Variants in NEK11 observed in about 807,000 individuals in gnomAD.
NEK11 encodes serine/threonine-protein kinase Nek11.
In NEK11, 72 loss-of-function variants were observed where a neutral mutation model predicts 80.7. The observed-to-expected ratio is 0.89, with a 90% confidence interval of 0.74 to 1.08. The LOEUF is 1.08. Among genes scored for constraint, NEK11 ranks in the 50% least tolerant of loss-of-function variants. The pLI, the probability that NEK11 is intolerant of heterozygous loss-of-function variation, is 0.00. For missense variants in NEK11, 764 were observed against 763.6 expected (o/e 1.00, Z -0.01); for synonymous variants, 251 against 260.7 (o/e 0.96, Z 0.36).
intron 5 of NEK11, among the ~76,000 whole-genome samples, chr3:131,117,417 C>T (rs563595634): frequency 2.6e-5 from 4 of 152,230 alleles, no homozygotes; most frequent in South Asian, 4.1e-4. Flanking sequence ...TGTGATGCCT[C>T]GAGCTTTGTT....
rs151029879 is a variant in NEK11, at chr3:131,153,950, A to G, written c.877-1086A>G. The stretch of plus-strand genomic sequence containing the variant: ...GTGACATTTCTTTACCAGTGAGCCA[A>G]TGGGAAGCAACCAGCCATGTAAAGA... On this transcript the variant is annotated intron_variant, in intron 9 of 17. Transcript: ENST00000383366. Among the ~76,000 whole-genome samples the G allele has an allele frequency of 5.4e-3, 827 of 152,342 alleles. 8 individuals carry two copies. The highest frequency in any genetic ancestry group is 0.018 in the African/African-American group (767 of 41,574).
intron 5 of NEK11, among the ~76,000 whole-genome samples, chr3:131,111,868 G>C (rs13075207): frequency 0.18 from 28,045 of 152,050 alleles, 2,676 homozygotes; most frequent in Middle Eastern, 0.22. Flanking sequence ...ATGTAATGTT[G>C]TTGTTATAAT....
chr3:131,277,657 A>G (rs1333978701), intron 17 of NEK11, among the ~76,000 whole-genome samples: 1 of 152,216 alleles, frequency 6.6e-6, no homozygotes, highest in Non-Finnish European at 1.5e-5. Context: ...GGGCTTTGTA[A>G]GTATTAATAT....
rs958254413 is a variant in NEK11, at chr3:131,080,523, A to G, written c.271A>G (p.Ile91Val). Reference protein sequence around the residue: ...QLLSKLDHPAIVKFHASFVEQ... With the variant: ...QLLSKLDHPAVVKFHASFVEQ... Reference sequence around the variant, plus strand: ...CCTCTCCAAGCTGGACCACCCAGCCATTGTCAAGTTCCATGCAAGTTTTGT... The same window carrying G: ...CCTCTCCAAGCTGGACCACCCAGCCGTTGTCAAGTTCCATGCAAGTTTTGT... Residue 91 changes from isoleucine to valine, a missense_variant, in exon 4 of 18, where the codon ATT (isoleucine) becomes GTT (valine). Coordinates refer to ENST00000383366, the MANE Select transcript of NEK11 (RefSeq NM_024800.5). 1 of 1,614,146 alleles carries G rather than the reference A, an allele frequency of 6.2e-7. No individual in the cohort carries two copies. Among genetic ancestry groups the G allele is most frequent in the Non-Finnish European group, 8.5e-7 (1 of 1,179,990 alleles).
chr3:131,055,518 T>C (rs2069299605), intron 3 of NEK11, among the ~76,000 whole-genome samples: 2 of 152,250 alleles, frequency 1.3e-5, no homozygotes, highest in African/African-American at 4.8e-5. Flanking sequence ...GGAGGATTGT[T>C]TGAGGCCAGG....
chr3:131,033,246 T>C (rs758115679), intron 3 of NEK11, among the ~76,000 whole-genome samples: 2 of 152,146 alleles, frequency 1.3e-5, no homozygotes, highest in Non-Finnish European at 1.5e-5. Flanking sequence ...TTATTAGCAC[T>C]ACTCATTGTC....
intron 16 of NEK11, among the ~76,000 whole-genome samples, chr3:131,265,367 T>G (rs2096028822): frequency 6.6e-6 from 1 of 152,192 alleles, no homozygotes; most frequent in Non-Finnish European, 1.5e-5. Context: ...TAAATAGCTT[T>G]TATTATTTTG....
At chr3:131,278,188 C>A (rs1247095138) in intron 17 of NEK11, among the ~76,000 whole-genome samples, 1 of 152,242 alleles carries the variant, frequency 6.6e-6, no homozygotes, top group East Asian at 1.9e-4. Context: ...CAACTGACTT[C>A]TGGCCACAGC....
rs2089875275 is a variant in NEK11, at chr3:131,152,543, G to T, written c.797+6G>T. On this transcript the variant is annotated splice_donor_region_variant and intron_variant, in intron 8 of 17. Coordinates refer to ENST00000383366, the MANE Select transcript of NEK11 (RefSeq NM_024800.5). The stretch of plus-strand genomic sequence containing the variant: ...CTAAATGCCATCATGGAAAGGTATA[G>T]AAATAAACATGTTGTCACAGAAATA... The T allele has an allele frequency of 3.7e-6, 6 of 1,611,456 alleles. No homozygotes were observed. The South Asian group carries it at 6.6e-5, about 18-fold the overall frequency.
intron 17 of NEK11, among the ~76,000 whole-genome samples, chr3:131,289,659 G>T (rs955110775): frequency 6.6e-6 from 1 of 152,156 alleles, no homozygotes; most frequent in African/African-American, 2.4e-5. Context: ...TCTCCCATTA[G>T]AAATTTTTGT....
chr3:131,268,999 A>T (rs2096121994), intron 16 of NEK11, among the ~76,000 whole-genome samples: 1 of 152,198 alleles, frequency 6.6e-6, no homozygotes, highest in African/African-American at 2.4e-5. Context: ...CAGTCTGACT[A>T]CAGAGGCTTT....
intron 5 of NEK11, among the ~76,000 whole-genome samples, chr3:131,129,520 A>G (rs1391047040): frequency 3.9e-5 from 6 of 152,236 alleles, no homozygotes; most frequent in African/African-American, 1.2e-4. Flanking sequence ...TTAAAAAGTT[A>G]TCACCAAACT....
rs57370577 is a variant in NEK11 at position 131,214,695 on chromosome 3, A to ATGTGTGTGTG, written c.1400-13813_1400-13804dup. On this transcript the variant is annotated intron_variant, in intron 14 of 17. Coordinates refer to ENST00000383366, the MANE Select transcript of NEK11 (RefSeq NM_024800.5). ...ATTTCTGTCACGTGAATGTGCGTGC[A>ATGTGTGTGTG]TGTGTGTGTGTGTGTGTGTGTGTGT... 4.9e-3 allele frequency among the ~76,000 whole-genome samples: 725 copies of ATGTGTGTGTG among 147,656 alleles called. 5 individuals are homozygous for ATGTGTGTGTG. The highest frequency in any genetic ancestry group is 0.011 in the South Asian group (49 of 4,554).
At chr3:131,177,044 G>C (rs1162247463) in intron 14 of NEK11, among the ~76,000 whole-genome samples, 2 of 152,158 alleles carry the variant, frequency 1.3e-5, no homozygotes, top group Admixed American at 6.5e-5. Context: ...AAACCTTATA[G>C]AATGTGTGTT....
chr3:131,314,000 C>G (rs1397285342), intron 17 of NEK11, among the ~76,000 whole-genome samples: 1 of 152,154 alleles, frequency 6.6e-6, no homozygotes, highest in East Asian at 1.9e-4. Context: ...CTCAATAATG[C>G]TGGCATTTAT....
intron 3 of NEK11, among the ~76,000 whole-genome samples, chr3:131,048,710 T>G (rs1463194126): frequency 2.0e-5 from 3 of 152,208 alleles, no homozygotes; most frequent in African/African-American, 7.2e-5. Context: ...TCCTGGTATG[T>G]TCCTGTGGTA....
At chr3:131,234,920 A>C (rs1028509475) in intron 15 of NEK11, among the ~76,000 whole-genome samples, 26 of 151,970 alleles carry the variant, frequency 1.7e-4, no homozygotes, top group African/African-American at 5.8e-4. Context: ...TAAGTCTTTA[A>C]AATTAGGTCC....
intron 14 of NEK11, among the ~76,000 whole-genome samples, chr3:131,225,581 G>A (rs1392669620): frequency 1.3e-5 from 2 of 152,190 alleles, no homozygotes; most frequent in African/African-American, 4.8e-5. Context: ...TTATAGATGA[G>A]AAAACTGAAG....
intron 7 of NEK11, among the ~76,000 whole-genome samples, chr3:131,135,936 G>C (rs1425212844): frequency 1.3e-5 from 2 of 151,892 alleles, no homozygotes; most frequent in African/African-American, 4.8e-5. Flanking sequence ...AAAGCATAGA[G>C]TATTTGTCTC....
Sources: gnomAD v4.1 joint callset for allele counts (sites outside exome capture counted in the v4.1 genomes callset) on GRCh38, gnomAD v4.1.1 for gene constraint, MANE v1.5 for transcripts, NCBI Gene and HGNC (gene_info 2026-07-23, HGNC 2026-07-21) for gene names.